PTPRE: variants seen among roughly 807,000 people sequenced by gnomAD.
PTPRE encodes the protein protein tyrosine phosphatase receptor type E, also known as receptor-type tyrosine-protein phosphatase epsilon.
PTPRE carries 51 observed loss-of-function variants against 102.0 expected under a neutral mutation model. The observed-to-expected ratio is 0.50, with a 90% CI of 0.40 to 0.63. The LOEUF is 0.63. Among genes scored for constraint, PTPRE ranks in the 30% least tolerant of loss-of-function variants. The probability of loss-of-function intolerance (pLI) is 0.00; values close to 1 mark genes in which losing one functional copy is unlikely to be tolerated. For missense variants in PTPRE, 752 were observed against 915.1 expected (o/e 0.82, Z 2.30); for synonymous variants, 345 against 348.2 (o/e 0.99, Z 0.10).
rs762233896 is a variant in PTPRE at position 128,070,848 on chromosome 10, C to T, written c.1334C>T (p.Thr445Met). 7.4e-6 allele frequency: 12 copies of T among 1,614,006 alleles called. No homozygotes were observed. Among genetic ancestry groups the T allele is most frequent in the Admixed American group, 1.7e-5 (1 of 60,014 alleles). The change falls in exon 15 of 21, where the codon ACG becomes ATG. Residue 445 changes from threonine to methionine, a missense_variant. Thr to Met is a moderately conservative substitution (Grantham distance 81). Around this residue, in one of 2 missense-constraint regions of PTPRE, gnomAD observed 636 missense variants for 824.4 expected, o/e 0.77. Coordinates refer to ENST00000254667, the MANE Select transcript of PTPRE (RefSeq NM_006504.6). The surrounding 1 kb of genome is among the most constrained non-coding windows in gnomAD (Gnocchi z 4.8). ...NVRIMKENMR[T>M]GNLPANMKKA... Reference sequence around the variant, plus strand: ...CGGATCATGAAGGAGAACATGAGGACGGGCAACTTGCCGGCAAACATGAAG... The same window carrying T: ...CGGATCATGAAGGAGAACATGAGGATGGGCAACTTGCCGGCAAACATGAAG...
Position 128,069,826 on chromosome 10 carries a change from ATG to A in PTPRE, c.1143+2_1143+3del. The A allele has an allele frequency of 6.2e-7, 1 of 1,614,210 alleles. No individual in the cohort carries two copies. The highest frequency in any genetic ancestry group is 1.1e-5 in the South Asian group (1 of 91,084). On this transcript the variant is annotated splice_donor_variant and coding_sequence_variant, in exon 13 of 21. Transcript: ENST00000254667. LOFTEE classifies it high-confidence loss of function. ...CAGCGCCCTCAGATGGTTCAAACGGATGTGAGTCATGCCTTCCTCTTGCCCTG... is the reference window on the plus strand; with the variant it reads ...CAGCGCCCTCAGATGGTTCAAACGGATGAGTCATGCCTTCCTCTTGCCCTG...
At chr10:128,065,289 C>T (rs1038920983) in intron 10 of PTPRE, among the ~76,000 whole-genome samples, 8 of 152,238 alleles carry the variant, frequency 5.3e-5, no homozygotes, top group African/African-American at 1.9e-4. Flanking sequence ...TACTCTCTGA[C>T]TACTGGCAGG....
chr10:128,042,111 T>C (rs1847744542), intron 3 of PTPRE, among the ~76,000 whole-genome samples: 1 of 152,174 alleles, frequency 6.6e-6, no homozygotes, highest in African/African-American at 2.4e-5. Flanking sequence ...CAAGCCAGCC[T>C]TTCAGGGGCA....
chr10:128,066,020 T>A (rs1850054964), intron 10 of PTPRE, 55 bp from the exon 11 acceptor site: 2 of 1,613,676 alleles, frequency 1.2e-6, no homozygotes, highest in African/African-American at 1.3e-5. Flanking sequence ...TGGGGGGATG[T>A]CATGATGCAT....
At chr10:128,014,401 C>T (rs1331589914) in intron 2 of PTPRE, among the ~76,000 whole-genome samples, 2 of 152,096 alleles carry the variant, frequency 1.3e-5, no homozygotes, top group Non-Finnish European at 2.9e-5. Flanking sequence ...AAGATGGGGG[C>T]AATTCTTTGA....
intron 11 of PTPRE, 114 bp downstream of exon 11, chr10:128,066,308 G>A (rs528191696): frequency 1.5e-5 from 22 of 1,497,668 alleles, no homozygotes; most frequent in East Asian, 6.8e-5. Flanking sequence ...CGGCACTGTC[G>A]CAGCCCTGGC....
chr10:128,072,082 A>C, intron 15 of PTPRE, 56 bp from the exon 16 acceptor site: 1 of 1,491,230 alleles, frequency 6.7e-7, no homozygotes, highest in Non-Finnish European at 9.3e-7. Context: ...CAATGGATTA[A>C]AGTTAGCAAG....
intron 19 of PTPRE, 91 bp downstream of exon 19, chr10:128,077,874 TGCC>T: frequency 7.0e-7 from 1 of 1,429,156 alleles, no homozygotes. Flanking sequence ...GCCTGGTCGC[TGCC>T]CCTGGCCATG....
chr10:127,993,250 A>G (rs1171181531), intron 2 of PTPRE, among the ~76,000 whole-genome samples: 1 of 152,222 alleles, frequency 6.6e-6, no homozygotes, highest in African/African-American at 2.4e-5. Flanking sequence ...TGAACTACTA[A>G]TCTTGAGAAA....
At chr10:127,962,691 G>T (rs981703938) in intron 1 of PTPRE, among the ~76,000 whole-genome samples, 2 of 152,220 alleles carry the variant, frequency 1.3e-5, no homozygotes, top group Non-Finnish European at 2.9e-5. Flanking sequence ...CCTCCCCAAC[G>T]CCCAGGACAT....
intron 11 of PTPRE, among the ~76,000 whole-genome samples, chr10:128,067,204 A>C (rs1850252373): frequency 2.0e-5 from 3 of 150,338 alleles, no homozygotes; most frequent in Non-Finnish European, 3.0e-5. Context: ...ACACACATAC[A>C]CCCACACACA....
At chr10:127,949,092 C>T (rs1182482230) in intron 1 of PTPRE, among the ~76,000 whole-genome samples, 2 of 152,232 alleles carry the variant, frequency 1.3e-5, no homozygotes, top group Non-Finnish European at 2.9e-5. Context: ...CCCTGGTTCT[C>T]AGGCCTTTGG....
chr10:128,017,794 G>A (rs1845555380), intron 2 of PTPRE, among the ~76,000 whole-genome samples: 1 of 151,804 alleles, frequency 6.6e-6, no homozygotes, highest in African/African-American at 2.4e-5. Context: ...AAAGCTGCAG[G>A]GGGCAGTTAG....
intron 12 of PTPRE, 70 bp downstream of exon 12, chr10:128,068,356 C>G: frequency 6.6e-7 from 1 of 1,511,320 alleles, no homozygotes; most frequent in Non-Finnish European, 9.0e-7. Context: ...TCCTCATGGG[C>G]AATGCCAGGG....
chr10:128,057,386 GGT>G (rs1265553448), intron 7 of PTPRE, among the ~76,000 whole-genome samples: 12 of 152,152 alleles, frequency 7.9e-5, no homozygotes. Context: ...GCCTCCGCCT[GGT>G]CCACAAAGGG....
intron 1 of PTPRE, among the ~76,000 whole-genome samples, chr10:127,981,460 A>G (rs1851606326): frequency 6.6e-6 from 1 of 152,200 alleles, no homozygotes; most frequent in Non-Finnish European, 1.5e-5. Flanking sequence ...AGTGAACTTT[A>G]TCGTATGAAA....
chr10:127,938,728 G>A (rs754476704), intron 1 of PTPRE, among the ~76,000 whole-genome samples: 3 of 152,004 alleles, frequency 2.0e-5, no homozygotes, highest in Admixed American at 6.6e-5. Context: ...TGTGTAAATT[G>A]ATAAAATTAG....
chr10:128,014,025 G>A (rs1353432439), intron 2 of PTPRE, among the ~76,000 whole-genome samples: 1 of 152,180 alleles, frequency 6.6e-6, no homozygotes, highest in Admixed American at 6.5e-5. Flanking sequence ...CCATTCTCTT[G>A]AAGTGTGCCT....
intron 2 of PTPRE, among the ~76,000 whole-genome samples, chr10:127,991,922 A>G (rs1041854310): frequency 6.6e-6 from 1 of 151,402 alleles, no homozygotes; most frequent in Non-Finnish European, 1.5e-5. Flanking sequence ...CCTCAACACC[A>G]CTCCTTCAGG....
Sources: allele counts gnomAD v4.1 joint callset (sites outside exome capture counted in the v4.1 genomes callset), GRCh38; gene constraint gnomAD v4.1.1; regional missense constraint gnomAD v4.1.1; non-coding constraint Gnocchi (gnomAD v3.1); transcripts MANE v1.5; gene names NCBI Gene and HGNC (gene_info 2026-07-23, HGNC 2026-07-21).